The following ERBB4 variants were observed in gnomAD, a reference collection of about 807,000 sequenced individuals.
ERBB4 encodes the protein receptor tyrosine-protein kinase erbB-4.
ERBB4 carries 42 observed loss-of-function variants against 158.0 expected under a neutral mutation model. That is an observed-to-expected ratio of 0.27 (90% CI 0.21 to 0.34). The LOEUF is 0.34. Ranked by LOEUF, ERBB4 falls within the 10% of genes least tolerant of loss-of-function variation. ERBB4 has a pLI of 1.00. For synonymous variants in ERBB4, 583 were observed against 558.7 expected (o/e 1.04, Z -0.61); for missense variants, 1,333 against 1,624.1 (o/e 0.82, Z 3.08).
chr2:211,862,583 T>C (rs2078089036), intron 3 of ERBB4, among the ~76,000 whole-genome samples: 2 of 150,026 alleles, frequency 1.3e-5, no homozygotes, highest in Admixed American at 6.6e-5. Context: ...ACTATTTTCT[T>C]GGCTATATTT....
At position 211,608,884 on chromosome 2, in the gene ERBB4, C is replaced by T. The variant is rs146479345; in HGVS notation, c.2301+10293G>A. On this transcript the variant is annotated intron_variant, in intron 19 of 27. Transcript: ENST00000342788. ...GTTAATTTGGATGGAAATCAGCCCA[C>T]ATGTGATCCAGGATTACTGACTTCT... 3.1e-3 allele frequency among the ~76,000 whole-genome samples: 472 copies of T among 152,286 alleles called. 3 individuals carry two copies. The highest frequency in any genetic ancestry group is 0.011 in the African/African-American group (454 of 41,574).
intron 2 of ERBB4, among the ~76,000 whole-genome samples, chr2:212,080,250 T>C: frequency 6.6e-6 from 1 of 151,368 alleles, no homozygotes. Flanking sequence ...GAAGCGGAGG[T>C]TGCAGTGAGC....
intron 13 of ERBB4, among the ~76,000 whole-genome samples, chr2:211,677,822 C>T (rs141380465): frequency 0.13 from 19,170 of 152,046 alleles, 1,529 homozygotes; most frequent in Non-Finnish European, 0.17. Flanking sequence ...TGCAGTGAGT[C>T]GAGATCGCAC....
chr2:211,615,203 TAC>T (rs1467261869), intron 19 of ERBB4, among the ~76,000 whole-genome samples: 2 of 152,050 alleles, frequency 1.3e-5, no homozygotes, highest in East Asian at 3.9e-4. Context: ...TGGGGAAAAA[TAC>T]AGAGTGAAGG....
intron 3 of ERBB4, among the ~76,000 whole-genome samples, chr2:211,807,870 T>C (rs1393251235): frequency 3.9e-5 from 6 of 152,218 alleles, no homozygotes; most frequent in African/African-American, 1.2e-4. Flanking sequence ...ATTTCTCTGA[T>C]GGCCAGTGAT....
chr2:211,881,447 C>A (rs2078658992), intron 3 of ERBB4, among the ~76,000 whole-genome samples: 1 of 152,110 alleles, frequency 6.6e-6, no homozygotes, highest in Admixed American at 6.5e-5. Flanking sequence ...GCAGCTGCGC[C>A]AATAGAGAAG....
intron 1 of ERBB4, among the ~76,000 whole-genome samples, chr2:212,465,605 T>A (rs1560402805): frequency 6.6e-6 from 1 of 152,144 alleles, no homozygotes; most frequent in African/African-American, 2.4e-5. Context: ...AAGCAAAGCG[T>A]TTATAGTCTA....
At chr2:212,263,654 T>C (rs774762301) in intron 1 of ERBB4, among the ~76,000 whole-genome samples, 7 of 152,020 alleles carry the variant, frequency 4.6e-5, no homozygotes, top group African/African-American at 7.2e-5. Context: ...TATTAATACA[T>C]TATAATATAA....
At chr2:211,679,944 T>G (rs1309680714) in intron 12 of ERBB4, among the ~76,000 whole-genome samples, 2 of 152,200 alleles carry the variant, frequency 1.3e-5, no homozygotes, top group East Asian at 3.9e-4. Context: ...CCTCCCAAAG[T>G]GCTGGGATTA....
intron 1 of ERBB4, among the ~76,000 whole-genome samples, chr2:212,235,767 T>C (rs1387607809): frequency 6.6e-6 from 1 of 152,204 alleles, no homozygotes; most frequent in East Asian, 1.9e-4. Flanking sequence ...TGGCTCTCTC[T>C]TTGTCTATTA....
chr2:212,222,625 T>A (rs549753469), intron 1 of ERBB4, among the ~76,000 whole-genome samples: 50 of 151,540 alleles, frequency 3.3e-4, no homozygotes, highest in African/African-American at 1.1e-3. Context: ...GCTTTTTTTT[T>A]AATCATGATT....
At chr2:211,545,901 G>C (rs908633093) in intron 20 of ERBB4, among the ~76,000 whole-genome samples, 3 of 151,912 alleles carry the variant, frequency 2.0e-5, no homozygotes, top group African/African-American at 7.3e-5. Flanking sequence ...TTGTGATTGA[G>C]GTGGAGACTG....
At chr2:211,967,544 C>T (rs751430795) in intron 2 of ERBB4, among the ~76,000 whole-genome samples, 63 of 151,960 alleles carry the variant, frequency 4.1e-4, no homozygotes, top group Non-Finnish European at 6.8e-4. Flanking sequence ...TTAAAACTTA[C>T]GAGAAATGGC....
intron 19 of ERBB4, among the ~76,000 whole-genome samples, chr2:211,607,319 T>C (rs1363193279): frequency 6.6e-6 from 1 of 152,180 alleles, no homozygotes; most frequent in African/African-American, 2.4e-5. Flanking sequence ...TGTGGTCCAA[T>C]ATTAGCTGAC....
intron 1 of ERBB4, among the ~76,000 whole-genome samples, chr2:212,246,004 A>C (rs80311022): frequency 1.1e-3 from 174 of 152,274 alleles, no homozygotes; most frequent in Non-Finnish European, 2.2e-3. Flanking sequence ...TGCATCTGCC[A>C]GTGTTCCTTT....
intron 1 of ERBB4, among the ~76,000 whole-genome samples, chr2:212,174,028 G>C (rs2081591453): frequency 6.6e-6 from 1 of 152,040 alleles, no homozygotes; most frequent in Admixed American, 6.6e-5. Flanking sequence ...CCCATTAACT[G>C]TCTGTCTCAG....
At chr2:211,646,702 T>C (rs890099833) in intron 16 of ERBB4, among the ~76,000 whole-genome samples, 5 of 151,666 alleles carry the variant, frequency 3.3e-5, no homozygotes, top group African/African-American at 7.2e-5. Context: ...GCAACAGGTA[T>C]TGAAATTTGT....
chr2:212,387,436 T>C (rs1427514570), intron 1 of ERBB4, among the ~76,000 whole-genome samples: 2 of 150,588 alleles, frequency 1.3e-5, no homozygotes, highest in African/African-American at 4.9e-5. Flanking sequence ...ACAATCTGCC[T>C]CTTGCAGTTA....
intron 25 of ERBB4, among the ~76,000 whole-genome samples, chr2:211,417,144 G>A (rs746340169): frequency 1.4e-4 from 22 of 151,958 alleles, no homozygotes; most frequent in Non-Finnish European, 2.1e-4. Context: ...TTTACATCAC[G>A]CTAGAGTAAA....
Sources: gnomAD v4.1 joint callset for allele counts (sites outside exome capture counted in the v4.1 genomes callset) on GRCh38, gnomAD v4.1.1 for gene constraint, MANE v1.5 for transcripts, NCBI Gene and HGNC (gene_info 2026-07-23, HGNC 2026-07-21) for gene names.